Variants in PTPRG observed in about 807,000 individuals in gnomAD.
PTPRG encodes the protein receptor-type tyrosine-protein phosphatase gamma.
Under a neutral mutation model 165.3 loss-of-function variants are expected in PTPRG, and 102 were observed. The ratio of observed to expected loss-of-function variants is 0.62; its 90% CI spans 0.53 to 0.73. The LOEUF (loss-of-function observed/expected upper bound fraction) is 0.73. Ranked by LOEUF, PTPRG falls within the 30% of genes least tolerant of loss-of-function variation. PTPRG has a pLI of 0.00. For synonymous variants in PTPRG, 675 were observed against 669.5 expected, an observed-to-expected ratio of 1.01 and a Z score of -0.13; for missense variants, 1,866 against 1,861.4, an observed-to-expected ratio of 1.00 and a Z score of -0.05.
At chr3:62,130,041 C>T (rs13100424) in intron 5 of PTPRG, among the ~76,000 whole-genome samples, 1 of 152,134 alleles carries the variant, frequency 6.6e-6, no homozygotes, top group Non-Finnish European at 1.5e-5. Context: ...TTGCTGTGTA[C>T]CAAATGATTC....
Position 62,290,026 on chromosome 3 carries a change from G to A in PTPRG, c.4056-2395G>A, listed in dbSNP as rs186164024. On this transcript the variant is annotated intron_variant, in intron 28 of 29. Transcript: ENST00000474889. ...TTAAGCAGGGTTCTTCTGTTTGACC[G>A]GATACAATTTCACCATGTGAAAATC... Among the ~76,000 whole-genome samples the A allele has an allele frequency of 9.9e-5, 15 of 152,048 alleles. No homozygotes were observed. In the East Asian group the frequency reaches 2.7e-3, roughly 28 times the overall value.
intron 2 of PTPRG, among the ~76,000 whole-genome samples, chr3:61,942,404 A>G (rs554189979): frequency 3.9e-5 from 6 of 152,366 alleles, no homozygotes; most frequent in African/African-American, 1.4e-4. Context: ...AAGAGAAAAC[A>G]AAAATTAGAC....
chr3:61,911,139 T>C (rs534154351), intron 2 of PTPRG, among the ~76,000 whole-genome samples: 2 of 152,342 alleles, frequency 1.3e-5, no homozygotes, highest in South Asian at 4.1e-4. Flanking sequence ...TGACAACCTC[T>C]ATTTCCTTCT....
intron 4 of PTPRG, among the ~76,000 whole-genome samples, chr3:62,017,094 C>T (rs1559748392): frequency 6.6e-6 from 1 of 152,178 alleles, no homozygotes; most frequent in Non-Finnish European, 1.5e-5. Flanking sequence ...ATCGGTCTGT[C>T]TGTCTACTGT....
At chr3:62,086,480 A>G (rs933454574) in intron 5 of PTPRG, among the ~76,000 whole-genome samples, 1 of 152,192 alleles carries the variant, frequency 6.6e-6, no homozygotes, top group African/African-American at 2.4e-5. Context: ...TAGATTATTT[A>G]GAACTTCCTT....
chr3:62,079,915 T>A (rs1484297797), intron 5 of PTPRG, among the ~76,000 whole-genome samples: 1 of 152,206 alleles, frequency 6.6e-6, no homozygotes, highest in Non-Finnish European at 1.5e-5. Context: ...ACTTGGAAAT[T>A]CCCAAATAGT....
intron 8 of PTPRG, among the ~76,000 whole-genome samples, chr3:62,172,141 A>G (rs1489742178): frequency 2.0e-5 from 3 of 152,170 alleles, no homozygotes; most frequent in African/African-American, 7.2e-5. Context: ...TTGTTTATCC[A>G]TTTATCAGTT....
chr3:61,735,525 T>G (rs2032683858), intron 1 of PTPRG, among the ~76,000 whole-genome samples: 1 of 106,186 alleles, frequency 9.4e-6, no homozygotes, highest in Admixed American at 1.2e-4. Context: ...CCCCAATTCC[T>G]TGAGTTTTTT....
chr3:61,979,620 T>G (rs2040593162), intron 2 of PTPRG, among the ~76,000 whole-genome samples: 1 of 152,230 alleles, frequency 6.6e-6, no homozygotes, highest in South Asian at 2.1e-4. Flanking sequence ...TGGAAGTTAC[T>G]TACACTATGA....
chr3:61,895,561 A>G (rs1222796124), intron 2 of PTPRG, among the ~76,000 whole-genome samples: 2 of 152,178 alleles, frequency 1.3e-5, no homozygotes, highest in African/African-American at 4.8e-5. Flanking sequence ...AATTATCCAC[A>G]TGTCTTAAGA....
chr3:62,171,491 G>A (rs531228058), intron 8 of PTPRG, among the ~76,000 whole-genome samples: 1 of 152,098 alleles, frequency 6.6e-6, no homozygotes, highest in South Asian at 2.1e-4. Context: ...ATTTATACTT[G>A]CGCAGCCATC....
chr3:62,271,360 A>G lies in PTPRG; in HGVS notation c.3010-23A>G, dbSNP rs1002717211. 1.5e-5 allele frequency: 24 copies of G among 1,572,114 alleles called. No homozygotes were observed. Among genetic ancestry groups the G allele is most frequent in the African/African-American group, 4.1e-5 (3 of 73,326 alleles). On this transcript the variant is annotated intron_variant, in intron 20 of 29. Coordinates refer to ENST00000474889, the MANE Select transcript of PTPRG (RefSeq NM_002841.4). This position sits in a 1 kb window ranked among gnomAD's most constrained non-coding sequence, Gnocchi z 4.1. ...AATGTCCACCCCCCCGCTTAAAGACATCTTTTTTCACTTTTCTCACAGGGT... is the reference window on the plus strand; with the variant it reads ...AATGTCCACCCCCCCGCTTAAAGACGTCTTTTTTCACTTTTCTCACAGGGT...
chr3:61,805,580 A>C (rs892814628), intron 2 of PTPRG, among the ~76,000 whole-genome samples: 3 of 150,360 alleles, frequency 2.0e-5, no homozygotes, highest in African/African-American at 7.4e-5. Flanking sequence ...CAAGTTATCC[A>C]CTGATGACAT....
chr3:62,144,525 C>T (rs945610986), intron 6 of PTPRG, among the ~76,000 whole-genome samples: 4 of 152,160 alleles, frequency 2.6e-5, no homozygotes, highest in African/African-American at 4.8e-5. Flanking sequence ...CAAAGTTTCC[C>T]GTTTGAAGTT....
chr3:62,027,287 T>C (rs533566870), intron 4 of PTPRG, among the ~76,000 whole-genome samples: 27 of 152,238 alleles, frequency 1.8e-4, no homozygotes, highest in Non-Finnish European at 7.4e-5. Context: ...GGCAAGAAAG[T>C]CTTTGTCCCA....
chr3:61,637,702 C>T (rs1559534644), intron 1 of PTPRG, among the ~76,000 whole-genome samples: 1 of 152,170 alleles, frequency 6.6e-6, no homozygotes, highest in Non-Finnish European at 1.5e-5. Flanking sequence ...ACGCCTCTGT[C>T]CTCACCAGTG....
intron 24 of PTPRG, chr3:62,276,762 A>G: frequency 1.8e-6 from 1 of 543,762 alleles, no homozygotes; most frequent in East Asian, 3.0e-5. Flanking sequence ...GTATTCCTAC[A>G]ATGCCTGTGT....
At chr3:61,690,308 C>G (rs1041848163) in intron 1 of PTPRG, among the ~76,000 whole-genome samples, 1 of 152,172 alleles carries the variant, frequency 6.6e-6, no homozygotes, top group Non-Finnish European at 1.5e-5. Flanking sequence ...ATGGCAAAGA[C>G]CCCCTAAGGA....
intron 2 of PTPRG, among the ~76,000 whole-genome samples, chr3:61,760,673 C>T (rs1361322875): frequency 6.6e-6 from 1 of 152,070 alleles, no homozygotes; most frequent in Non-Finnish European, 1.5e-5. Context: ...GGAAAGTGCG[C>T]CTGGTGATTT....
Sources: allele counts gnomAD v4.1 joint callset (sites outside exome capture counted in the v4.1 genomes callset), GRCh38; gene constraint gnomAD v4.1.1; non-coding constraint Gnocchi (gnomAD v3.1); transcripts MANE v1.5; gene names NCBI Gene and HGNC (gene_info 2026-07-23, HGNC 2026-07-21).